RALYL: variants seen among roughly 807,000 people sequenced by gnomAD.
RALYL encodes RALY RNA binding protein like, also known as RNA-binding Raly-like protein.
Under a neutral mutation model 35.1 loss-of-function variants are expected in RALYL, and 29 were observed. That is an observed-to-expected ratio of 0.83 (90% CI 0.61 to 1.13). The LOEUF (loss-of-function observed/expected upper bound fraction) is 1.13. Ranked by LOEUF, RALYL falls within the 50% of genes most tolerant of loss-of-function variation. The pLI is 0.00. For missense variants in RALYL, 359 were observed against 360.4 expected, an observed-to-expected ratio of 1.00 and a Z score of 0.03; for synonymous variants, 120 against 127.6, an observed-to-expected ratio of 0.94 and a Z score of 0.40.
At chr8:84,620,595 G>A (rs867913443) in intron 2 of RALYL, among the ~76,000 whole-genome samples, 34 of 152,302 alleles carry the variant, frequency 2.2e-4, no homozygotes, top group South Asian at 1.2e-3. Flanking sequence ...CTCTCAGCTC[G>A]TCAAAGTCAT....
chr8:84,434,478 A>G (rs776051664), intron 1 of RALYL, among the ~76,000 whole-genome samples: 1 of 152,188 alleles, frequency 6.6e-6, no homozygotes, highest in Non-Finnish European at 1.5e-5. Flanking sequence ...TACATGAATT[A>G]GCTTGATTTA....
chr8:84,332,279 G>A (rs1351984480), intron 1 of RALYL, among the ~76,000 whole-genome samples: 1 of 151,962 alleles, frequency 6.6e-6, no homozygotes, highest in Non-Finnish European at 1.5e-5. Context: ...ACCTTTCTTT[G>A]TTTTGGAGGT....
At chr8:84,259,622 A>C (rs1408081393) in intron 1 of RALYL, among the ~76,000 whole-genome samples, 4 of 152,180 alleles carry the variant, frequency 2.6e-5, no homozygotes, top group African/African-American at 9.6e-5. Flanking sequence ...GGACATAGTG[A>C]TTCAAATATT....
intron 1 of RALYL, among the ~76,000 whole-genome samples, chr8:84,497,210 T>C (rs1159619177): frequency 1.3e-5 from 2 of 152,160 alleles, no homozygotes; most frequent in Admixed American, 6.6e-5. Flanking sequence ...CTCTGATGGC[T>C]ACTCTCAAGC....
At chr8:84,258,282 G>T (rs575284555) in intron 1 of RALYL, among the ~76,000 whole-genome samples, 1 of 152,068 alleles carries the variant, frequency 6.6e-6, no homozygotes, top group East Asian at 1.9e-4. Context: ...AAAAATGCGT[G>T]GCATAATTAA....
At position 84,206,908 on chromosome 8, in the gene RALYL, G is replaced by A. The variant is rs530863980; in HGVS notation, c.-24+22484G>A. 1.1e-4 allele frequency among the ~76,000 whole-genome samples: 16 copies of A among 152,142 alleles called. No homozygotes were observed. In the South Asian group the frequency reaches 2.1e-3, roughly 20 times the overall value. ...AAAGAAGAAATGCAAATGGCCAAAG[G>A]TATATGAAAAATGCTCAATGTTACA... is the stretch of plus-strand genomic sequence containing the variant. On this transcript the variant is annotated intron_variant, in intron 1 of 8. Coordinates refer to ENST00000521268, the MANE Select transcript of RALYL (RefSeq NM_173848.7).
At chr8:84,284,623 A>G (rs1371892397) in intron 1 of RALYL, among the ~76,000 whole-genome samples, 1 of 152,170 alleles carries the variant, frequency 6.6e-6, no homozygotes, top group East Asian at 1.9e-4. Flanking sequence ...ACTGGAAAGG[A>G]TTCATAGACC....
intron 2 of RALYL, among the ~76,000 whole-genome samples, chr8:84,766,660 G>A (rs1315401713): frequency 7.2e-6 from 1 of 139,292 alleles, no homozygotes; most frequent in Non-Finnish European, 1.5e-5. Context: ...AGAGGCAGAG[G>A]TTGCAGTGAG....
intron 2 of RALYL, among the ~76,000 whole-genome samples, chr8:84,711,444 T>G (rs970616676): frequency 6.6e-6 from 1 of 152,178 alleles, no homozygotes; most frequent in Admixed American, 6.6e-5. Flanking sequence ...CAAATTTTGG[T>G]CATCCAGAAG....
At chr8:84,439,641 T>C (rs2048122533) in intron 1 of RALYL, among the ~76,000 whole-genome samples, 1 of 152,112 alleles carries the variant, frequency 6.6e-6, no homozygotes, top group African/African-American at 2.4e-5. Context: ...TGATAGATAT[T>C]TTGTTGTTTT....
chr8:84,330,238 A>T (rs1009510505), intron 1 of RALYL, among the ~76,000 whole-genome samples: 2 of 152,094 alleles, frequency 1.3e-5, no homozygotes, highest in African/African-American at 4.8e-5. Context: ...TAGCTACAGT[A>T]GTAGCTAGGG....
At chr8:84,742,528 G>C (rs545189041) in intron 2 of RALYL, among the ~76,000 whole-genome samples, 1 of 151,816 alleles carries the variant, frequency 6.6e-6, no homozygotes, top group Non-Finnish European at 1.5e-5. Flanking sequence ...CCACATAATC[G>C]ATTACCTCAT....
intron 1 of RALYL, among the ~76,000 whole-genome samples, chr8:84,286,208 A>G (rs112165303): frequency 0.021 from 3,252 of 152,226 alleles, 45 homozygotes; most frequent in Non-Finnish European, 0.031. Flanking sequence ...GATTACAGGC[A>G]TGAGCCACTG....
intron 3 of RALYL, among the ~76,000 whole-genome samples, chr8:84,776,511 TGTA>T (rs772878933): frequency 1.1e-3 from 163 of 152,370 alleles, no homozygotes; most frequent in African/African-American, 3.3e-3. Flanking sequence ...TGACACATTC[TGTA>T]CCTTGTTTGA....
chr8:84,366,749 T>A (rs1586634891), intron 1 of RALYL, among the ~76,000 whole-genome samples: 1 of 110,002 alleles, frequency 9.1e-6, no homozygotes, highest in East Asian at 2.6e-4. Context: ...GGAGGCAGAG[T>A]GAGATTTTTG....
intron 2 of RALYL, chr8:84,679,883 G>T (rs551388960): frequency 3.7e-5 from 13 of 349,088 alleles, no homozygotes; most frequent in East Asian, 7.3e-5. Flanking sequence ...TAAGTTTTAG[G>T]GTACATGTGC....
chr8:84,282,224 T>A (rs1836713457), intron 1 of RALYL, among the ~76,000 whole-genome samples: 1 of 152,236 alleles, frequency 6.6e-6, no homozygotes, highest in East Asian at 1.9e-4. Context: ...TATATTTACA[T>A]GTAGCGTTGA....
intron 2 of RALYL, among the ~76,000 whole-genome samples, chr8:84,751,279 C>T (rs1809932407): frequency 6.6e-6 from 1 of 152,052 alleles, no homozygotes; most frequent in Non-Finnish European, 1.5e-5. Context: ...ATGATCTTGG[C>T]TCACTGCAAC....
chr8:84,606,688 T>G (rs942423692), intron 2 of RALYL, among the ~76,000 whole-genome samples: 9 of 152,176 alleles, frequency 5.9e-5, no homozygotes, highest in African/African-American at 2.2e-4. Flanking sequence ...TCCAACCTGA[T>G]GTTGAATGGC....
Sources: allele counts gnomAD v4.1 joint callset (sites outside exome capture counted in the v4.1 genomes callset), GRCh38; gene constraint gnomAD v4.1.1; transcripts MANE v1.5; gene names NCBI Gene and HGNC (gene_info 2026-07-23, HGNC 2026-07-21).